The following PEBP4 variants were observed in gnomAD, a reference collection of about 807,000 sequenced individuals.
The protein encoded by PEBP4 is phosphatidylethanolamine-binding protein 4.
A neutral mutation model predicts 23.9 loss-of-function variants in PEBP4; 22 were observed. That is an observed-to-expected ratio of 0.92 (90% CI 0.66 to 1.31). The LOEUF (loss-of-function observed/expected upper bound fraction) is 1.31, where lower values mean the gene tolerates loss of function less well. Among genes scored for constraint, PEBP4 ranks in the 40% most tolerant of loss-of-function variants. The pLI is 0.00. For missense variants in PEBP4, 324 were observed against 281.7 expected, an observed-to-expected ratio of 1.15 and a Z score of -1.07; for synonymous variants, 112 against 99.3, an observed-to-expected ratio of 1.13 and a Z score of -0.76.
At chr8:22,917,717 T>C (rs1809107332) in intron 3 of PEBP4, among the ~76,000 whole-genome samples, 1 of 152,174 alleles carries the variant, frequency 6.6e-6, no homozygotes, top group Non-Finnish European at 1.5e-5. Context: ...CCTCCTCTAC[T>C]CTCAGTCCTT....
intron 3 of PEBP4, among the ~76,000 whole-genome samples, chr8:22,874,589 G>C (rs1289374221): frequency 6.6e-6 from 1 of 151,872 alleles, no homozygotes; most frequent in East Asian, 1.9e-4. Context: ...TCAGGAGTAA[G>C]AAAGAAAAAA....
intron 3 of PEBP4, among the ~76,000 whole-genome samples, chr8:22,832,718 C>A (rs1807112793): frequency 6.6e-6 from 1 of 152,174 alleles, no homozygotes; most frequent in Admixed American, 6.5e-5. Context: ...GTCCTAGAAG[C>A]ACTGGCAAGG....
chr8:22,904,829 A>G (rs557661860), intron 3 of PEBP4, among the ~76,000 whole-genome samples: 3 of 152,330 alleles, frequency 2.0e-5, no homozygotes, highest in South Asian at 4.1e-4. Context: ...TAATGGCTAT[A>G]TGGTACTTTT....
intron 4 of PEBP4, among the ~76,000 whole-genome samples, chr8:22,764,860 C>G (rs539979029): frequency 3.9e-5 from 6 of 152,096 alleles, no homozygotes; most frequent in African/African-American, 1.4e-4. Context: ...TCACCCACCC[C>G]CAATCCAGGT....
chr8:22,798,783 G>C (rs1018375660), intron 4 of PEBP4, among the ~76,000 whole-genome samples: 1 of 135,474 alleles, frequency 7.4e-6, no homozygotes, highest in African/African-American at 2.8e-5. Context: ...TGTCACCCAG[G>C]CTGGAGTGCA....
chr8:22,908,043 A>G (rs1808853016), intron 3 of PEBP4, among the ~76,000 whole-genome samples: 1 of 151,764 alleles, frequency 6.6e-6, no homozygotes, highest in Non-Finnish European at 1.5e-5. Flanking sequence ...TGATGACTCC[A>G]ACATGTCCAG....
upstream of PEBP4, among the ~76,000 whole-genome samples, chr8:22,932,524 T>A (rs1009121641): frequency 6.6e-6 from 1 of 151,868 alleles, no homozygotes; most frequent in African/African-American, 2.4e-5. Context: ...TAAACACACA[T>A]ATACACACAC....
At position 22,902,506 on chromosome 8, in the gene PEBP4, C is replaced by T. The variant is rs1808732448; in HGVS notation, c.258+17678G>A. ...GAGACCTTGGTGAGGATATGACAAG[C>T]CCCATGTTGCTTCATGTAGGATCTG... is the stretch of plus-strand genomic sequence containing the variant. On this transcript the variant is annotated intron_variant, in intron 3 of 6. Coordinates refer to ENST00000256404, the MANE Select transcript of PEBP4 (RefSeq NM_144962.3). Among the ~76,000 whole-genome samples, 3 of 152,132 alleles carry T rather than the reference C, an allele frequency of 2.0e-5. No individual in the cohort carries two copies. The South Asian group carries it at 6.2e-4, about 32-fold the overall frequency.
At chr8:22,881,128 C>A (rs1008086992) in intron 3 of PEBP4, among the ~76,000 whole-genome samples, 10 of 152,232 alleles carry the variant, frequency 6.6e-5, no homozygotes, top group African/African-American at 2.4e-4. Flanking sequence ...TCCCTCTTGG[C>A]GTCCAAAAGT....
At chr8:22,714,203 A>C (rs1178529421) in intron 6 of PEBP4, among the ~76,000 whole-genome samples, 1 of 152,116 alleles carries the variant, frequency 6.6e-6, no homozygotes, top group Non-Finnish European at 1.5e-5. Flanking sequence ...AGGGGGAGAA[A>C]ACACAAGTGT....
intron 3 of PEBP4, among the ~76,000 whole-genome samples, chr8:22,875,638 C>T (rs986631623): frequency 2.6e-5 from 4 of 152,156 alleles, no homozygotes; most frequent in African/African-American, 9.7e-5. Flanking sequence ...AGTCCCCTGT[C>T]GTCTGCGAAG....
chr8:22,920,706 T>C (rs1809181765), intron 2 of PEBP4, among the ~76,000 whole-genome samples: 1 of 152,224 alleles, frequency 6.6e-6, no homozygotes, highest in African/African-American at 2.4e-5. Context: ...TACCTATAGA[T>C]TGCTTTTCAG....
chr8:22,780,596 C>T (rs1160025294), intron 4 of PEBP4, among the ~76,000 whole-genome samples: 1 of 152,148 alleles, frequency 6.6e-6, no homozygotes, highest in Non-Finnish European at 1.5e-5. Context: ...AGGATGCCTC[C>T]TGGGAAGCTA....
intron 3 of PEBP4, among the ~76,000 whole-genome samples, chr8:22,870,995 G>T (rs150623362): frequency 1.1e-4 from 17 of 152,270 alleles, no homozygotes; most frequent in African/African-American, 4.1e-4. Context: ...ACTTGGACTT[G>T]TTTCTTTCCT....
chr8:22,788,482 G>C (rs1409147938), intron 4 of PEBP4, among the ~76,000 whole-genome samples: 2 of 152,280 alleles, frequency 1.3e-5, no homozygotes, highest in South Asian at 4.1e-4. Flanking sequence ...TGGCAGGCTG[G>C]GGCACAAGCA....
At chr8:22,778,693 C>G (rs1805862130) in intron 4 of PEBP4, among the ~76,000 whole-genome samples, 1 of 152,152 alleles carries the variant, frequency 6.6e-6, no homozygotes, top group Non-Finnish European at 1.5e-5. Flanking sequence ...GAGTGGAGAG[C>G]TCCCCAGCAA....
chr8:22,904,259 G>A (rs1315572656), intron 3 of PEBP4, among the ~76,000 whole-genome samples: 1 of 152,214 alleles, frequency 6.6e-6, no homozygotes, highest in Non-Finnish European at 1.5e-5. Context: ...ACCTGGAAGA[G>A]GAGAAGGAGC....
intron 4 of PEBP4, among the ~76,000 whole-genome samples, chr8:22,768,028 C>T (rs893506626): frequency 6.6e-6 from 1 of 152,150 alleles, no homozygotes; most frequent in Non-Finnish European, 1.5e-5. Flanking sequence ...AGCCACTGTG[C>T]CCGGCCTATA....
At chr8:22,770,847 C>G (rs1256225133) in intron 4 of PEBP4, among the ~76,000 whole-genome samples, 1 of 152,238 alleles carries the variant, frequency 6.6e-6, no homozygotes, top group Non-Finnish European at 1.5e-5. Flanking sequence ...AATACCTTCA[C>G]AGGTTTTGCA....
Sources: gnomAD v4.1 joint callset for allele counts (sites outside exome capture counted in the v4.1 genomes callset) on GRCh38, gnomAD v4.1.1 for gene constraint, MANE v1.5 for transcripts, NCBI Gene and HGNC (gene_info 2026-07-23, HGNC 2026-07-21) for gene names.